EYS: variants seen among roughly 807,000 people sequenced by gnomAD.
EYS encodes EGF-like photoreceptor maintenance factor.
Under a neutral mutation model 282.1 loss-of-function variants are expected in EYS, and 250 were observed. The ratio of observed to expected loss-of-function variants is 0.89; its 90% CI spans 0.80 to 0.98. The LOEUF (loss-of-function observed/expected upper bound fraction) is 0.98. Among genes scored for constraint, EYS ranks in the 50% least tolerant of loss-of-function variants. The probability of loss-of-function intolerance (pLI) is 0.00; values close to 1 mark genes in which losing one functional copy is unlikely to be tolerated. For synonymous variants in EYS, 1,355 were observed against 1,282.9 expected, an observed-to-expected ratio of 1.06 and a Z score of -1.20; for missense variants, 4,016 against 3,709.0, an observed-to-expected ratio of 1.08 and a Z score of -2.15.
At chr6:64,158,698 A>G (rs1366779897) in intron 31 of EYS, among the ~76,000 whole-genome samples, 4 of 152,190 alleles carry the variant, frequency 2.6e-5, no homozygotes, top group African/African-American at 9.7e-5. Flanking sequence ...ATTAACTCAC[A>G]TCTTTGCCCC....
At chr6:65,446,285 C>T (rs1045762814) in intron 5 of EYS, among the ~76,000 whole-genome samples, 1 of 151,584 alleles carries the variant, frequency 6.6e-6, no homozygotes, top group Non-Finnish European at 1.5e-5. Context: ...ATTTTTTTGG[C>T]AAAATCACCT....
chr6:64,538,831 G>A (rs181306999), intron 26 of EYS, among the ~76,000 whole-genome samples: 167 of 152,212 alleles, frequency 1.1e-3, no homozygotes, highest in Middle Eastern at 3.4e-3. Flanking sequence ...GCTAGTAAGC[G>A]TAGAACTAGG....
intron 2 of EYS, among the ~76,000 whole-genome samples, chr6:65,531,257 T>G (rs1767759029): frequency 6.6e-6 from 1 of 152,278 alleles, no homozygotes; most frequent in East Asian, 1.9e-4. Context: ...ATTTATCTCT[T>G]AAAGGAAATG....
intron 22 of EYS, among the ~76,000 whole-genome samples, chr6:64,729,749 T>C (rs1771891732): frequency 6.6e-6 from 1 of 152,156 alleles, no homozygotes; most frequent in African/African-American, 2.4e-5. Flanking sequence ...CAATGAGTTT[T>C]GATTTTTTTT....
chr6:65,696,862 AGAGTGT>A (rs2149848797), intron 1 of EYS, among the ~76,000 whole-genome samples: 1 of 152,138 alleles, frequency 6.6e-6, no homozygotes, highest in South Asian at 2.1e-4. Context: ...CAGAGTACTT[AGAGTGT>A]AGAATTCTTA....
At chr6:64,226,406 CT>C (rs1766253738) in intron 31 of EYS, among the ~76,000 whole-genome samples, 1 of 151,964 alleles carries the variant, frequency 6.6e-6, no homozygotes, top group African/African-American at 2.4e-5. Flanking sequence ...TTAAATACTC[CT>C]TTATTTTACT....
At chr6:64,767,945 G>A (rs969327358) in intron 22 of EYS, among the ~76,000 whole-genome samples, 1 of 151,870 alleles carries the variant, frequency 6.6e-6, no homozygotes, top group Non-Finnish European at 1.5e-5. Flanking sequence ...GCCATCATTT[G>A]GTATTTTTTT....
chr6:64,960,693 T>C (rs1769882158), intron 14 of EYS, among the ~76,000 whole-genome samples: 1 of 152,164 alleles, frequency 6.6e-6, no homozygotes, highest in East Asian at 1.9e-4. Context: ...TGCAGGTTTG[T>C]TCCATAGATA....
In EYS at chr6:65,209,142, C is replaced by T. The variant is rs146099138; in HGVS notation, c.2023+86721G>A. On this transcript the variant is annotated intron_variant, in intron 12 of 42. Transcript: ENST00000503581. ...CTGAAGCACTTTAAGGTAAGATTGT[C>T]TTTTAATATGCAAAATAATAAAAAT... 4.0e-4 allele frequency among the ~76,000 whole-genome samples: 60 copies of T among 151,654 alleles called. 1 individual carries two copies. The highest frequency in any genetic ancestry group is 1.3e-3 in the African/African-American group (53 of 41,430).
chr6:65,003,127 C>A (rs998972612), intron 13 of EYS, among the ~76,000 whole-genome samples: 2 of 147,642 alleles, frequency 1.4e-5, no homozygotes, highest in Admixed American at 6.7e-5. Context: ...GTGAGCTGGG[C>A]AGAACAGAGC....
intron 26 of EYS, among the ~76,000 whole-genome samples, chr6:64,503,531 ATAGG>A (rs1777119459): frequency 6.6e-6 from 1 of 152,176 alleles, no homozygotes; most frequent in Admixed American, 6.5e-5. Flanking sequence ...TCATGGGTTT[ATAGG>A]TAACTCCCCT....
intron 22 of EYS, among the ~76,000 whole-genome samples, chr6:64,701,599 G>T (rs1020074427): frequency 2.6e-5 from 4 of 152,032 alleles, no homozygotes; most frequent in African/African-American, 9.7e-5. Context: ...GAACAACTTA[G>T]AAAATCAAAT....
At chr6:65,264,398 G>T (rs1308417661) in intron 12 of EYS, among the ~76,000 whole-genome samples, 1 of 152,066 alleles carries the variant, frequency 6.6e-6, no homozygotes, top group African/African-American at 2.4e-5. Flanking sequence ...TGCAGAGAAT[G>T]AGACTGGATT....
chr6:65,556,496 A>G (rs1768808359), intron 2 of EYS, among the ~76,000 whole-genome samples: 1 of 152,078 alleles, frequency 6.6e-6, no homozygotes, highest in Admixed American at 6.6e-5. Context: ...CATTTTAATT[A>G]AAGTCCATGT....
chr6:64,828,348 G>T (rs574410022), intron 19 of EYS, among the ~76,000 whole-genome samples: 28 of 152,048 alleles, frequency 1.8e-4, no homozygotes, highest in African/African-American at 6.5e-4. Context: ...TATGTAAAGA[G>T]ATAACGGACA....
intron 5 of EYS, among the ~76,000 whole-genome samples, chr6:65,466,785 A>G (rs755777596): frequency 2.0e-5 from 3 of 152,168 alleles, no homozygotes; most frequent in African/African-American, 4.8e-5. Context: ...GCCACCATCC[A>G]GAAGAGAAGG....
At chr6:65,500,708 G>A (rs1766419484) in intron 2 of EYS, among the ~76,000 whole-genome samples, 1 of 151,912 alleles carries the variant, frequency 6.6e-6, no homozygotes, top group East Asian at 1.9e-4. Flanking sequence ...TATCCTTTTT[G>A]AAGAAGAAAT....
At chr6:65,192,729 G>C (rs1765672289) in intron 12 of EYS, among the ~76,000 whole-genome samples, 1 of 151,744 alleles carries the variant, frequency 6.6e-6, no homozygotes, top group Non-Finnish European at 1.5e-5. Flanking sequence ...AAAATCTCAA[G>C]AGAGACTGGG....
chr6:64,500,523 GA>G (rs202198713), intron 26 of EYS, among the ~76,000 whole-genome samples: 15 of 150,834 alleles, frequency 9.9e-5, no homozygotes, highest in Admixed American at 2.0e-4. Flanking sequence ...GCATTTCTGA[GA>G]AAAAAAAATT....
Sources: gnomAD v4.1 joint callset for allele counts (sites outside exome capture counted in the v4.1 genomes callset) on GRCh38, gnomAD v4.1.1 for gene constraint, MANE v1.5 for transcripts, NCBI Gene and HGNC (gene_info 2026-07-23, HGNC 2026-07-21) for gene names.